ZNF718: variants seen among roughly 807,000 people sequenced by gnomAD.
The protein encoded by ZNF718 is zinc finger protein 718.
A neutral mutation model predicts 2.6 loss-of-function variants in ZNF718; 3 were observed. That is an observed-to-expected ratio of 1.16 (90% confidence interval 0.53 to 3.01). ZNF718 has a LOEUF of 3.01. Among genes scored for constraint, ZNF718 ranks in the 30% most tolerant of loss-of-function variants. The pLI is 0.03. For synonymous variants in ZNF718, 135 were observed against 77.9 expected, an observed-to-expected ratio of 1.73 and a Z score of -3.86; for missense variants, 468 against 230.0, an observed-to-expected ratio of 2.03 and a Z score of -6.69.
chr4:183,079 C>G (rs1467547690), intron 3 of ZNF718, among the ~76,000 whole-genome samples: 1 of 152,062 alleles, frequency 6.6e-6, no homozygotes, highest in Non-Finnish European at 1.5e-5. Flanking sequence ...TTGCCCATGC[C>G]TATGTCCTGA....
chr4:187,539 C>T (rs190892559), intron 3 of ZNF718, among the ~76,000 whole-genome samples: 1 of 152,268 alleles, frequency 6.6e-6, no homozygotes, highest in African/African-American at 2.4e-5. Context: ...TGGCAGTCAC[C>T]TTGGTTTTTT....
Position 131,122 on chromosome 4 carries a change from G to A in ZNF718, c.130+208G>A, listed in dbSNP as rs1157014014. Among the ~76,000 whole-genome samples, 125 of 103,486 alleles carry A rather than the reference G, an allele frequency of 1.2e-3. 41 individuals carry two copies. In the South Asian group the frequency reaches 0.033, roughly 27 times the overall value. The allele number at this position is 103,486 out of a possible 152,430, so 67.9% of individuals were successfully genotyped here. On this transcript the variant is annotated intron_variant, in intron 2 of 3. Transcript: ENST00000510175. ...TCTTTTGAGCTAATTTGTTTCCTTC[G>A]CTCTAGGCTAGTGGTAATTCTAGAA... is the stretch of plus-strand genomic sequence containing the variant.
downstream of ZNF718, among the ~76,000 whole-genome samples, chr4:168,606 T>A (rs537485631): frequency 1.3e-5 from 2 of 152,336 alleles, no homozygotes; most frequent in Non-Finnish European, 2.9e-5. Context: ...GAGGAATTTA[T>A]CCATTTCTTC....
chr4:192,372 T>G (rs1717709478), intron 3 of ZNF718, among the ~76,000 whole-genome samples: 2 of 152,314 alleles, frequency 1.3e-5, no homozygotes, highest in Non-Finnish European at 2.9e-5. Context: ...GACTATTTCT[T>G]TACCTCTTGC....
At chr4:143,486 A>T (rs1244312072) in intron 3 of ZNF718, among the ~76,000 whole-genome samples, 1 of 152,176 alleles carries the variant, frequency 6.6e-6, no homozygotes, top group South Asian at 2.1e-4. Context: ...GTGCACGGCC[A>T]AGGGGGAAGT....
At position 154,499 on chromosome 4, in the gene ZNF718, G is replaced by A. The variant is rs1716477173; in HGVS notation, c.227-6413G>A. Among the ~76,000 whole-genome samples the A allele has an allele frequency of 2.6e-5, 4 of 152,268 alleles. No individual in the cohort carries two copies. In the South Asian group the frequency reaches 8.3e-4, roughly 32 times the overall value. On this transcript the variant is annotated intron_variant, in intron 3 of 3. Transcript: ENST00000510175. ...GAAATCCAGTCCAAGGTGCTCTCAG[G>A]TGGAGATGAGGAACTTGGGAAATGC...
At chr4:192,531 A>G (rs1553821382) in intron 3 of ZNF718, among the ~76,000 whole-genome samples, 5 of 152,156 alleles carry the variant, frequency 3.3e-5, no homozygotes, top group Non-Finnish European at 7.4e-5. Flanking sequence ...AAATCCAGCT[A>G]GTCCTGTCTC....
intron 3 of ZNF718, among the ~76,000 whole-genome samples, chr4:171,993 CGA>C: frequency 6.6e-6 from 1 of 152,202 alleles, no homozygotes; most frequent in East Asian, 1.9e-4. Flanking sequence ...CTCCACCTGT[CGA>C]GATATTTTAC....
intron 3 of ZNF718, among the ~76,000 whole-genome samples, chr4:156,554 T>C (rs1477394485): frequency 6.6e-6 from 1 of 152,202 alleles, no homozygotes; most frequent in Non-Finnish European, 1.5e-5. Flanking sequence ...ATATTGACAT[T>C]GTTATGCATT....
chr4:176,610 CTGAACCATGTATCCAAAA>C (rs1408635619), intron 3 of ZNF718, among the ~76,000 whole-genome samples: 69 of 152,300 alleles, frequency 4.5e-4, no homozygotes, highest in African/African-American at 1.6e-3. Context: ...ATTTTAACTC[CTGAACCATGTATCCAAAA>C]TGATGCCACT....
intron 3 of ZNF718, among the ~76,000 whole-genome samples, chr4:169,415 T>C (rs556223810): frequency 4.3e-4 from 66 of 152,264 alleles, no homozygotes; most frequent in Middle Eastern, 3.4e-3. Context: ...TTGTTAACTT[T>C]CTGTCTCGTT....
chr4:164,921 G>C (rs1407420662), downstream of ZNF718, among the ~76,000 whole-genome samples: 3 of 152,160 alleles, frequency 2.0e-5, no homozygotes, highest in Non-Finnish European at 4.4e-5. Context: ...GAGTTTATTT[G>C]TAGGTCCAAG....
intron 3 of ZNF718, among the ~76,000 whole-genome samples, chr4:135,700 A>T (rs573230618): frequency 1.6e-4 from 22 of 134,356 alleles, no homozygotes; most frequent in Middle Eastern, 7.8e-3. Context: ...TAATGAATGC[A>T]TTTATTGAGT....
Position 162,038 on chromosome 4 carries a change from C to T in ZNF718, c.1353C>T (p.Tyr451=). ...AAATTCACACTGTAGATAAACCCTA[C>T]AAATGTAAAGAATGCGGGAAAGCTT... ...HKKIHTVDKP[Y]KCKECGKAFK... Residue 451 remains tyrosine (Y), a synonymous_variant, in exon 4 of 4, where the codon TAC becomes TAT. Transcript: ENST00000510175. The T allele has an allele frequency of 1.3e-6, 1 of 777,734 alleles. No homozygotes were observed. Among genetic ancestry groups the T allele is most frequent in the Non-Finnish European group, 2.4e-6 (1 of 416,256 alleles). 48.2% of individuals were successfully genotyped at this position (777,734 alleles called of 1,614,324 possible).
chr4:173,941 G>T (rs782214868), intron 3 of ZNF718, among the ~76,000 whole-genome samples: 5 of 152,160 alleles, frequency 3.3e-5, no homozygotes, highest in Non-Finnish European at 5.9e-5. Flanking sequence ...TACTACAGAT[G>T]TAATGACAAA....
chr4:162,252 A>T lies in ZNF718; in HGVS notation c.*130A>T. ...CCGCAACTCAATCTGTTCTAAACAT[A>T]AGAGAAATGGTATTGGTGAGAAGCC... is the stretch of plus-strand genomic sequence containing the variant. On this transcript the variant is annotated 3_prime_UTR_variant, in exon 4 of 4. Coordinates refer to ENST00000510175, the MANE Select transcript of ZNF718 (RefSeq NM_001039127.6). 3.7e-6 allele frequency: 2 copies of T among 536,554 alleles called. No individual in the cohort carries two copies. Among genetic ancestry groups the T allele is most frequent in the Non-Finnish European group, 3.4e-6 (1 of 297,642 alleles). 33.2% of individuals were successfully genotyped at this position (536,554 alleles called of 1,614,324 possible). A position where few individuals can be genotyped will look rare whatever the true frequency, so the allele number is the denominator to read the frequency against.
At chr4:184,529 A>C (rs552078790) in intron 3 of ZNF718, among the ~76,000 whole-genome samples, 1 of 152,278 alleles carries the variant, frequency 6.6e-6, no homozygotes, top group East Asian at 1.9e-4. Flanking sequence ...GCCTCATAGA[A>C]TGCCTTAGGG....
At chr4:182,402 TTATATTTATTTA>T (rs1412946169) in intron 3 of ZNF718, among the ~76,000 whole-genome samples, 145 of 138,038 alleles carry the variant, frequency 1.1e-3, no homozygotes, top group Middle Eastern at 7.3e-3. Flanking sequence ...TGATTTTGAT[TTATATTTATTTA>T]TTTATTTATT....
At chr4:186,104 A>G (rs528653188) in intron 3 of ZNF718, among the ~76,000 whole-genome samples, 1 of 151,876 alleles carries the variant, frequency 6.6e-6, no homozygotes, top group African/African-American at 2.4e-5. Context: ...GGCTGACACT[A>G]TGAAGTGTAG....
Sources: gnomAD v4.1 joint callset for allele counts (sites outside exome capture counted in the v4.1 genomes callset) on GRCh38, gnomAD v4.1.1 for gene constraint, MANE v1.5 for transcripts, NCBI Gene and HGNC (gene_info 2026-07-23, HGNC 2026-07-21) for gene names.